LOXL2: variants seen among roughly 807,000 people sequenced by gnomAD.
LOXL2 encodes the protein lysyl oxidase like 2.
LOXL2 carries 70 observed loss-of-function variants against 93.0 expected under a neutral mutation model. The observed-to-expected ratio is 0.75, with a 90% CI of 0.62 to 0.92. The LOEUF (loss-of-function observed/expected upper bound fraction) is 0.92, where lower values mean the gene tolerates loss of function less well. LOXL2 is among the 40% of genes least tolerant of loss of function. LOXL2 has a pLI of 0.00. For synonymous variants in LOXL2, 438 were observed against 413.2 expected, an observed-to-expected ratio of 1.06 and a Z score of -0.73; for missense variants, 973 against 1,054.9, an observed-to-expected ratio of 0.92 and a Z score of 1.08.
At chr8:23,320,783 G>A (rs1803482321) in intron 7 of LOXL2, among the ~76,000 whole-genome samples, 1 of 152,092 alleles carries the variant, frequency 6.6e-6, no homozygotes, top group African/African-American at 2.4e-5. Flanking sequence ...GTATGGTGGT[G>A]CATACCTGTA....
In LOXL2 at chr8:23,319,882, C is replaced by T. The variant is rs774228932; in HGVS notation, c.1470+3G>A. On this transcript the variant is annotated splice_donor_region_variant and intron_variant, in intron 8 of 13. Coordinates refer to ENST00000389131, the MANE Select transcript of LOXL2 (RefSeq NM_002318.3). ...TGCGGGGTCTGAGGCCGGGGCTTCTCACCTGGAAGGCGTTGCTGGCGAATC... is the reference window on the plus strand; with the variant it reads ...TGCGGGGTCTGAGGCCGGGGCTTCTTACCTGGAAGGCGTTGCTGGCGAATC... 5.6e-6 allele frequency: 9 copies of T among 1,612,932 alleles called. No homozygotes were observed. The highest frequency in any genetic ancestry group is 1.1e-5 in the South Asian group (1 of 91,052).
chr8:23,399,556 C>T (rs1299500578), intron 1 of LOXL2, among the ~76,000 whole-genome samples: 2 of 152,176 alleles, frequency 1.3e-5, no homozygotes, highest in Non-Finnish European at 2.9e-5. Context: ...AGCCCCCTCA[C>T]GATGGTCCTG....
In LOXL2 at chr8:23,302,179, A is replaced by G. The variant is rs751362339; in HGVS notation, c.1997-16T>C. 5.6e-6 allele frequency: 9 copies of G among 1,613,314 alleles called. No homozygotes were observed. The African/African-American group carries it at 1.2e-4, about 22-fold the overall frequency. On this transcript the variant is annotated splice_polypyrimidine_tract_variant and intron_variant, in intron 11 of 13. Transcript: ENST00000389131. ...TTCTGGATGTCTGCGGGCAGGGTAG[A>G]GGAGAGCTCATCACCAGGGAACCAT... is the stretch of plus-strand genomic sequence containing the variant.
intron 5 of LOXL2, chr8:23,328,863 G>A (rs980657705): frequency 3.2e-5 from 11 of 339,948 alleles, no homozygotes; most frequent in Admixed American, 9.0e-5. Flanking sequence ...ATTGGGGACC[G>A]TCGATCACTC....
In LOXL2 at chr8:23,356,274, T is replaced by C. The variant is rs1563200659; in HGVS notation, c.531+3816A>G. On this transcript the variant is annotated intron_variant, in intron 3 of 13. Transcript: ENST00000389131. ...ACCCTGGGTATCATTAGTCAGTATG[T>C]TCATGACTTCACCCAACTGCACGTC... Among the ~76,000 whole-genome samples the C allele has an allele frequency of 2.0e-5, 3 of 152,210 alleles. 1 individual carries two copies. Among genetic ancestry groups the C allele is most frequent in the Admixed American group, 6.5e-5 (1 of 15,274 alleles).
At chr8:23,381,888 C>T (rs1274190177) in intron 1 of LOXL2, among the ~76,000 whole-genome samples, 1 of 152,180 alleles carries the variant, frequency 6.6e-6, no homozygotes, top group Non-Finnish European at 1.5e-5. Context: ...CCTGACTGGG[C>T]CCCCAAGCCT....
chr8:23,383,646 G>GTT lies in LOXL2; in HGVS notation c.-83-15214_-83-15213dup, dbSNP rs1204879895. Among the ~76,000 whole-genome samples the GTT allele has an allele frequency of 2.8e-4, 33 of 117,636 alleles. 1 individual carries two copies. Among genetic ancestry groups the GTT allele is most frequent in the African/African-American group, 4.2e-4 (12 of 28,676 alleles). 77.2% of individuals were successfully genotyped at this position (117,636 alleles called of 152,430 possible). On this transcript the variant is annotated intron_variant, in intron 1 of 13. Transcript: ENST00000389131. ...GTTATTTCTAAGAGGGCACTTTTAC[G>GTT]TTTTTTTTTTGTTTTTTTTTTTTTT... is the stretch of plus-strand genomic sequence containing the variant.
intron 6 of LOXL2, among the ~76,000 whole-genome samples, chr8:23,328,042 G>C (rs1803610176): frequency 1.0e-5 from 1 of 100,208 alleles, no homozygotes; most frequent in Non-Finnish European, 2.7e-5. Flanking sequence ...GGAGGGGCCT[G>C]AGAACCCTGG....
At chr8:23,357,831 G>A (rs1035174510) in intron 3 of LOXL2, among the ~76,000 whole-genome samples, 1 of 152,122 alleles carries the variant, frequency 6.6e-6, no homozygotes, top group African/African-American at 2.4e-5. Context: ...TTGCTTCCAT[G>A]TGCTTCTCAT....
chr8:23,319,053 C>T (rs895249751), intron 8 of LOXL2, among the ~76,000 whole-genome samples: 13 of 152,252 alleles, frequency 8.5e-5, no homozygotes, highest in African/African-American at 2.9e-4. Flanking sequence ...TCAGGGTTAA[C>T]AACACAAGAG....
intron 3 of LOXL2, among the ~76,000 whole-genome samples, chr8:23,341,967 C>T (rs1803889272): frequency 6.6e-6 from 1 of 152,102 alleles, no homozygotes. Context: ...TAGAGGGTTC[C>T]CTTCCCACAC....
At position 23,302,849 on chromosome 8, in the gene LOXL2, C is replaced by T. The variant is rs549389001; in HGVS notation, c.1996+433G>A. 2.6e-3 allele frequency among the ~76,000 whole-genome samples: 398 copies of T among 151,860 alleles called. 2 individuals carry two copies. Among genetic ancestry groups the T allele is most frequent in the Middle Eastern group, 3.4e-3 (1 of 294 alleles). ...GAGCAGAGTGCCACACCTGCCGGGA[C>T]GGGGGGGCGCTTCAGAGGAGGGCAT... On this transcript the variant is annotated intron_variant, in intron 11 of 13. Coordinates refer to ENST00000389131, the MANE Select transcript of LOXL2 (RefSeq NM_002318.3).
chr8:23,379,354 G>A lies in LOXL2; in HGVS notation c.-83-10920C>T, dbSNP rs922811598. Reference sequence around the variant, plus strand: ...GGTGTCAATCTGCCCCTACTGGGGGGTGCCTCCCAGTTAGGCTACTCGGGG... The same window carrying A: ...GGTGTCAATCTGCCCCTACTGGGGGATGCCTCCCAGTTAGGCTACTCGGGG... On this transcript the variant is annotated intron_variant, in intron 1 of 13. Transcript: ENST00000389131. 3.3e-5 allele frequency among the ~76,000 whole-genome samples: 5 copies of A among 152,340 alleles called. No homozygotes were observed. In the East Asian group the frequency reaches 5.8e-4, roughly 18 times the overall value.
chr8:23,402,923 C>T (rs1800170449), intron 1 of LOXL2, among the ~76,000 whole-genome samples: 1 of 152,166 alleles, frequency 6.6e-6, no homozygotes, highest in African/African-American at 2.4e-5. Context: ...AGTTCAGCCC[C>T]CTCCCTCGCC....
chr8:23,298,053 G>T lies in LOXL2; in HGVS notation c.2315C>A (p.Ser772Tyr). 6.2e-7 allele frequency: 1 copy of T among 1,613,746 alleles called. No homozygotes were observed. The highest frequency in any genetic ancestry group is 2.2e-5 in the East Asian group (1 of 44,892). ...HFSGLLNNQL[S>Y]PQ ...ACCACGCAGGCTTCTTTACTGCGGG[G>T]ACAGCTGGTTGTTTAAGAGCCCGCT... Residue 772 changes from serine to tyrosine, a missense_variant, in exon 14 of 14, where the codon TCC (serine) becomes TAC (tyrosine). Coordinates refer to ENST00000389131, the MANE Select transcript of LOXL2 (RefSeq NM_002318.3).
intron 3 of LOXL2, among the ~76,000 whole-genome samples, chr8:23,348,961 T>C (rs945466161): frequency 3.3e-5 from 5 of 152,032 alleles, no homozygotes; most frequent in Admixed American, 1.3e-4. Flanking sequence ...GCTTGACACC[T>C]TCCTCAGCAC....
At chr8:23,394,845 G>C (rs1451839030) in intron 1 of LOXL2, among the ~76,000 whole-genome samples, 1 of 150,726 alleles carries the variant, frequency 6.6e-6, no homozygotes, top group African/African-American at 2.4e-5. Flanking sequence ...AATACTCAAA[G>C]GGTGGAAACA....
rs75135847 is a variant in LOXL2 at position 23,343,788 on chromosome 8, G to A, written c.532-2585C>T. ...CCCTCATTCAGGCCGCAGGACCCGT[G>A]CCACCAAGACACGTGGACAGGGGTG... is the stretch of plus-strand genomic sequence containing the variant. On this transcript the variant is annotated intron_variant, in intron 3 of 13. Coordinates refer to ENST00000389131, the MANE Select transcript of LOXL2 (RefSeq NM_002318.3). Among the ~76,000 whole-genome samples the A allele has an allele frequency of 3.5e-4, 53 of 152,286 alleles. No homozygotes were observed. In the East Asian group the frequency reaches 0.01, roughly 29 times the overall value.
At chr8:23,386,161 T>TA (rs1238096870) in intron 1 of LOXL2, 2 of 659,946 alleles carry the variant, frequency 3.0e-6, no homozygotes, top group Non-Finnish European at 5.5e-6. Flanking sequence ...CAGACACCCT[T>TA]ATTCACTAAT....
Sources: allele counts gnomAD v4.1 joint callset (sites outside exome capture counted in the v4.1 genomes callset), GRCh38; gene constraint gnomAD v4.1.1; transcripts MANE v1.5; gene names NCBI Gene and HGNC (gene_info 2026-07-23, HGNC 2026-07-21).